The following YLPM1 variants were observed in gnomAD, a reference collection of about 807,000 sequenced individuals.
The protein encoded by YLPM1 is YLP motif-containing protein 1.
YLPM1 carries 99 observed loss-of-function variants against 230.0 expected under a neutral mutation model. That is an observed-to-expected ratio of 0.43 (90% confidence interval 0.37 to 0.51). The LOEUF (loss-of-function observed/expected upper bound fraction) is 0.51, where lower values mean the gene tolerates loss of function less well. YLPM1 is among the 20% of genes least tolerant of loss of function. The pLI is 0.00. For synonymous variants in YLPM1, 984 were observed against 942.5 expected, an observed-to-expected ratio of 1.04 and a Z score of -0.81; for missense variants, 2,592 against 2,707.7, an observed-to-expected ratio of 0.96 and a Z score of 0.95.
chr14:74,775,449 A>T (rs929513522), intron 1 of YLPM1, among the ~76,000 whole-genome samples: 1 of 152,224 alleles, frequency 6.6e-6, no homozygotes, highest in Non-Finnish European at 1.5e-5. Flanking sequence ...AGGTTATACT[A>T]TAAAATATTA....
rs772925147 is a variant in YLPM1, at chr14:74,799,397, A to G, written c.4100A>G (p.Asp1367Gly). The G allele has an allele frequency of 1.2e-6, 2 of 1,613,872 alleles. No homozygotes were observed. Among genetic ancestry groups the G allele is most frequent in the African/African-American group, 2.7e-5 (2 of 74,888 alleles). The change falls in exon 5 of 21, where the codon GAT (aspartate) becomes GGT (glycine). Residue 1367 changes from aspartate to glycine, a missense_variant. By Grantham distance (94) the Asp-to-Gly change is moderately conservative. Coordinates refer to ENST00000325680, the MANE Select transcript of YLPM1 (RefSeq NM_019589.3). ...CATGGGTATGATCGAGATTTCCGTG[A>G]TAGGGGTGAGTTGAGGATTCGAGAG... ...REHGYDRDFR[D>G]RGELRIREYP...
Position 74,811,744 on chromosome 14 carries a change from G to C in YLPM1, c.5347+6G>C, listed in dbSNP as rs762086141. 1.9e-6 allele frequency: 3 copies of C among 1,562,614 alleles called. No homozygotes were observed. Among genetic ancestry groups the C allele is most frequent in the Non-Finnish European group, 8.7e-7 (1 of 1,152,080 alleles). ...AGGACCATCCATGTTTGGAGGTAGAGTGATGCCTTATTAACTACAAGGATG... is the reference window on the plus strand; with the variant it reads ...AGGACCATCCATGTTTGGAGGTAGACTGATGCCTTATTAACTACAAGGATG... On this transcript the variant is annotated splice_donor_region_variant and intron_variant, in intron 10 of 20. Transcript: ENST00000325680.
intron 1 of YLPM1, among the ~76,000 whole-genome samples, chr14:74,766,950 C>CT (rs2090918225): frequency 6.8e-6 from 1 of 146,268 alleles, no homozygotes; most frequent in African/African-American, 2.5e-5. Flanking sequence ...GTGGCGCGAT[C>CT]TTGGCTCATT....
At position 74,796,085 on chromosome 14, in the gene YLPM1, A is replaced by T. The variant is rs1019796664; in HGVS notation, c.2283-1495A>T. Among the ~76,000 whole-genome samples, 15 of 152,086 alleles carry T rather than the reference A, an allele frequency of 9.9e-5. 1 individual carries two copies. In the South Asian group the frequency reaches 3.1e-3, roughly 32 times the overall value. On this transcript the variant is annotated intron_variant, in intron 4 of 20. Transcript: ENST00000325680. ...AGCTGCAAGAGATATTGAGAAAGAGAGTCTTGTCTGGGGGGCCTTGTGTCT... is the reference window on the plus strand; with the variant it reads ...AGCTGCAAGAGATATTGAGAAAGAGTGTCTTGTCTGGGGGGCCTTGTGTCT...
intron 1 of YLPM1, among the ~76,000 whole-genome samples, chr14:74,765,743 AGT>A (rs954275436): frequency 6.6e-6 from 1 of 151,940 alleles, no homozygotes; most frequent in African/African-American, 2.4e-5. Flanking sequence ...TTTTGGGAGG[AGT>A]GTGTGTGTCA....
chr14:74,783,979 G>C (rs1216947303), intron 4 of YLPM1, among the ~76,000 whole-genome samples: 1 of 152,082 alleles, frequency 6.6e-6, no homozygotes, highest in Non-Finnish European at 1.5e-5. Flanking sequence ...GAGTCTAGAG[G>C]GTCCCCAAAG....
In YLPM1 at chr14:74,835,545, T is replaced by G. The variant is rs553180704; in HGVS notation, c.*36+98T>G. On this transcript the variant is annotated intron_variant, in intron 20 of 20. Transcript: ENST00000325680. The stretch of plus-strand genomic sequence containing the variant: ...TATTTTGCTAAAAATGCTCTCTTCT[T>G]GTGTTATTTTATAGTTCTGAAAGAG... 7.6e-6 allele frequency: 8 copies of G among 1,052,076 alleles called. No individual in the cohort carries two copies. The African/African-American group carries it at 1.3e-4, about 17-fold the overall frequency. The allele number at this position is 1,052,076 out of a possible 1,614,324, so 65.2% of individuals were successfully genotyped here. A position where few individuals can be genotyped will look rare whatever the true frequency, so the allele number is the denominator to read the frequency against.
chr14:74,823,228 G>T (rs888717382), intron 17 of YLPM1, among the ~76,000 whole-genome samples: 1 of 152,010 alleles, frequency 6.6e-6, no homozygotes, highest in Non-Finnish European at 1.5e-5. Context: ...CTGTGTGTCA[G>T]TTTGTTTCAT....
intron 6 of YLPM1, among the ~76,000 whole-genome samples, chr14:74,808,069 G>A (rs2091396234): frequency 1.3e-5 from 2 of 152,116 alleles, no homozygotes; most frequent in Admixed American, 1.3e-4. Context: ...ATCTTACGTG[G>A]CTACCACCCT....
At chr14:74,835,644 A>T (rs995176716) in intron 20 of YLPM1, 131 bp from the exon 21 acceptor site, 34 of 505,156 alleles carry the variant, frequency 6.7e-5, no homozygotes, top group African/African-American at 6.6e-4. Flanking sequence ...TGGCTCACTT[A>T]TAAAAATAAA....
intron 4 of YLPM1, among the ~76,000 whole-genome samples, chr14:74,789,287 G>A (rs934347324): frequency 5.3e-5 from 8 of 152,176 alleles, no homozygotes; most frequent in Non-Finnish European, 7.4e-5. Context: ...GTGCAGTGGC[G>A]CTCACTGCAA....
intron 1 of YLPM1, among the ~76,000 whole-genome samples, chr14:74,775,160 A>T (rs2091021928): frequency 1.3e-5 from 2 of 152,222 alleles, no homozygotes; most frequent in South Asian, 2.1e-4. Flanking sequence ...GATGGAATTT[A>T]TTCTTCCCAA....
intron 6 of YLPM1, among the ~76,000 whole-genome samples, chr14:74,807,731 A>G (rs1044024697): frequency 6.6e-6 from 1 of 152,118 alleles, no homozygotes; most frequent in Non-Finnish European, 1.5e-5. Context: ...GTTTCATAGT[A>G]CTCATGTTCT....
rs1199215971 is a variant in YLPM1 at position 74,778,468 on chromosome 14, C to T, written c.895C>T (p.Arg299Ter). The T allele has an allele frequency of 1.2e-6, 2 of 1,604,716 alleles. No homozygotes were observed. Among genetic ancestry groups the T allele is most frequent in the Non-Finnish European group, 1.7e-6 (2 of 1,175,538 alleles). The change falls in exon 2 of 21, where the codon CGA becomes TGA. Residue 299 changes from arginine (R) to a stop codon, truncating the protein, a stop_gained. Transcript: ENST00000325680. LOFTEE classifies it high-confidence loss of function. ...GTAGGAACAGCAGCAGTATTGGTAT[C>T]GACAGCACTTGCTTAGTTTGCAACA... ...TPQEQQQYWYRQHLLSLQQRT... is the reference protein window; with the variant it reads ...TPQEQQQYWY
At chr14:74,827,467 A>G in intron 18 of YLPM1, 2 of 985,450 alleles carry the variant, frequency 2.0e-6, no homozygotes, top group Non-Finnish European at 2.4e-6. Context: ...CATTTCAAAA[A>G]GGGTGCTCAG....
At chr14:74,817,622 A>G (rs1594840740) in intron 15 of YLPM1, among the ~76,000 whole-genome samples, 1 of 152,170 alleles carries the variant, frequency 6.6e-6, no homozygotes, top group East Asian at 1.9e-4. Context: ...GTGTGACTGT[A>G]CTCTAAACCT....
chr14:74,782,205 G>A lies in YLPM1; in HGVS notation c.2162G>A (p.Gly721Glu). The change falls in exon 4 of 21, where the codon GGG (glycine) becomes GAG (glutamate). Residue 721 changes from glycine to glutamate, a missense_variant. By Grantham distance (98) the Gly-to-Glu change is moderately conservative. This residue lies in a region of YLPM1 where 1,862 missense variants were observed against 1,819.8 expected (regional missense o/e 1.02). Coordinates refer to ENST00000325680, the MANE Select transcript of YLPM1 (RefSeq NM_019589.3). Reference sequence around the variant, plus strand: ...TCATTCTCATCTGATCAAGGACTTGGGGAGTCTTCAGCTGCTCCATCTCAG... The same window carrying A: ...TCATTCTCATCTGATCAAGGACTTGAGGAGTCTTCAGCTGCTCCATCTCAG... ...YSSFSSDQGLGESSAAPSQPI... is the reference protein window; with the variant it reads ...YSSFSSDQGLEESSAAPSQPI... 1 of 1,605,856 alleles carries A rather than the reference G, an allele frequency of 6.2e-7. No homozygotes were observed. The highest frequency in any genetic ancestry group is 8.5e-7 in the Non-Finnish European group (1 of 1,179,630).
At chr14:74,800,067 A>G (rs2091310491) in intron 5 of YLPM1, among the ~76,000 whole-genome samples, 1 of 152,198 alleles carries the variant, frequency 6.6e-6, no homozygotes, top group African/African-American at 2.4e-5. Context: ...TTGGTATTAG[A>G]TCTGATAGAC....
At position 74,811,650 on chromosome 14, in the gene YLPM1, T is replaced by A. The variant is rs757566322; in HGVS notation, c.5259T>A (p.His1753Gln). 6.2e-6 allele frequency: 10 copies of A among 1,612,248 alleles called. No individual in the cohort carries two copies. The East Asian group carries it at 2.2e-4, about 36-fold the overall frequency. The change falls in exon 10 of 21, where the codon CAT (histidine) becomes CAA (glutamine). Residue 1753 changes from histidine to glutamine, a missense_variant. This residue lies in a region of YLPM1 where 403 missense variants were observed against 426.7 expected (regional missense o/e 0.94). Transcript: ENST00000325680. ...RAQSYRDKKD[H>Q]SSSRRGGFDR... ...AGTCATATCGAGACAAAAAAGACCA[T>A]TCCTCATCCAGAAGAGGGGGTTTTG...
Sources: allele counts gnomAD v4.1 joint callset (sites outside exome capture counted in the v4.1 genomes callset), GRCh38; gene constraint gnomAD v4.1.1; regional missense constraint gnomAD v4.1.1; transcripts MANE v1.5; gene names NCBI Gene and HGNC (gene_info 2026-07-23, HGNC 2026-07-21).